ZNF430: variants seen among roughly 807,000 people sequenced by gnomAD.
The protein encoded by ZNF430 is zinc finger protein 430.
ZNF430 carries 35 observed loss-of-function variants against 56.7 expected under a neutral mutation model. That is an observed-to-expected ratio of 0.62 (90% CI 0.47 to 0.82). The LOEUF (loss-of-function observed/expected upper bound fraction) is 0.82, where lower values mean the gene tolerates loss of function less well. Among genes scored for constraint, ZNF430 ranks in the 40% least tolerant of loss-of-function variants. The probability of loss-of-function intolerance (pLI) is 0.00; values close to 1 mark genes in which losing one functional copy is unlikely to be tolerated. For missense variants in ZNF430, 574 were observed against 661.0 expected (o/e 0.87, Z 1.44); for synonymous variants, 212 against 224.3 (o/e 0.94, Z 0.49).
intron 2 of ZNF430, among the ~76,000 whole-genome samples, chr19:21,027,578 A>G (rs1967827427): frequency 6.6e-6 from 1 of 152,076 alleles, no homozygotes; most frequent in African/African-American, 2.4e-5. Context: ...ATGTTCATCA[A>G]GGATATTGGC....
chr19:21,039,010 C>T (rs960864624), intron 4 of ZNF430, among the ~76,000 whole-genome samples: 7 of 152,038 alleles, frequency 4.6e-5, no homozygotes, highest in Non-Finnish European at 5.9e-5. Flanking sequence ...AGTGCAATGG[C>T]ATGGTCTCGG....
chr19:21,057,961 C>T lies in ZNF430; in HGVS notation c.1653C>T (p.Asn551=). 1 of 1,611,844 alleles carries T rather than the reference C, an allele frequency of 6.2e-7. No individual in the cohort carries two copies. The highest frequency in any genetic ancestry group is 8.5e-7 in the Non-Finnish European group (1 of 1,179,218). ...YNCEEYGKAF[N]QSSNLIEQSN... Reference sequence around the variant, plus strand: ...GTGAAGAATACGGCAAAGCTTTCAACCAGTCCTCAAACCTTATTGAACAAA... The same window carrying T: ...GTGAAGAATACGGCAAAGCTTTCAATCAGTCCTCAAACCTTATTGAACAAA... The change falls in exon 5 of 5, where the codon AAC becomes AAT. Residue 551 remains asparagine, a synonymous_variant. Coordinates refer to ENST00000261560, the MANE Select transcript of ZNF430 (RefSeq NM_025189.4).
intron 2 of ZNF430, among the ~76,000 whole-genome samples, chr19:21,029,155 C>G (rs893416273): frequency 1.1e-4 from 16 of 152,130 alleles, no homozygotes; most frequent in Non-Finnish European, 1.9e-4. Context: ...ATGAAGCAGT[C>G]ATGATCCTTA....
chr19:21,049,102 T>C (rs1968235103), intron 4 of ZNF430, among the ~76,000 whole-genome samples: 1 of 130,982 alleles, frequency 7.6e-6, no homozygotes, highest in African/African-American at 2.9e-5. Context: ...TGAACCCAGA[T>C]GACAGAGGTT....
intron 1 of ZNF430, among the ~76,000 whole-genome samples, chr19:21,021,508 A>C (rs961394082): frequency 6.6e-6 from 1 of 152,092 alleles, no homozygotes; most frequent in Admixed American, 6.6e-5. Flanking sequence ...CGGAAAAAAA[A>C]AATGTACAGA....
At chr19:21,050,110 T>A (rs912284595) in intron 4 of ZNF430, among the ~76,000 whole-genome samples, 1 of 149,566 alleles carries the variant, frequency 6.7e-6, no homozygotes, top group Non-Finnish European at 1.5e-5. Context: ...GGTCTCGATC[T>A]CCTGACTGTG....
In ZNF430 at chr19:21,022,840, G is replaced by A. The variant is rs143182179; in HGVS notation, c.55G>A (p.Gly19Arg). ...TCTCAAGGAAGCAAGTGGATGCCCT[G>A]GGGCTGACAGGAATCTTCTGGTGTA... ...YPLKEASGCP[G>R]ADRNLLVYSF... is the part of the protein sequence containing the mutation. Residue 19 changes from glycine (G) to arginine (R), a missense_variant, in exon 2 of 5, where the codon GGG becomes AGG. Around this residue, in one of 3 missense-constraint regions of ZNF430, gnomAD observed 346 missense variants for 399.1 expected, o/e 0.87. Transcript: ENST00000261560. 530 of 1,613,950 alleles carry A rather than the reference G, an allele frequency of 3.3e-4. No individual in the cohort carries two copies. In the African/African-American group the frequency reaches 6.2e-3, roughly 19 times the overall value.
At chr19:21,030,620 T>C (rs1657602187) in intron 2 of ZNF430, among the ~76,000 whole-genome samples, 1 of 152,160 alleles carries the variant, frequency 6.6e-6, no homozygotes, top group African/African-American at 2.4e-5. Flanking sequence ...ACCAGAAGTA[T>C]TTGTGTTGTG....
At chr19:21,030,912 T>G (rs987513417) in intron 2 of ZNF430, among the ~76,000 whole-genome samples, 1 of 152,102 alleles carries the variant, frequency 6.6e-6, no homozygotes, top group Non-Finnish European at 1.5e-5. Context: ...AGACAGGATC[T>G]CACTCTGTCA....
chr19:21,049,848 A>G (rs959343023), intron 4 of ZNF430, among the ~76,000 whole-genome samples: 4 of 151,716 alleles, frequency 2.6e-5, no homozygotes, highest in Non-Finnish European at 2.9e-5. Flanking sequence ...AGAATTTTTT[A>G]TTACATCAAA....
At chr19:21,032,950 T>G (rs903428250) in intron 2 of ZNF430, among the ~76,000 whole-genome samples, 1 of 152,230 alleles carries the variant, frequency 6.6e-6, no homozygotes, top group African/African-American at 2.4e-5. Context: ...TTTATGCCCT[T>G]AATTTTATGC....
rs747809260 is a variant in ZNF430, at chr19:21,026,827, C to CTTTTTTTTTTTTTTTTTTTTTTTT, written c.96+3969_96+3970insTTTTTTTTTTTTTTTTTTTTTTTT. Among the ~76,000 whole-genome samples, 629 of 68,714 alleles carry CTTTTTTTTTTTTTTTTTTTTTTTT rather than the reference C, an allele frequency of 9.2e-3. 95 individuals are homozygous for CTTTTTTTTTTTTTTTTTTTTTTTT. The highest frequency in any genetic ancestry group is 0.065 in the Middle Eastern group (3 of 46). The allele number at this position is 68,714 out of a possible 152,430, so 45.1% of individuals were successfully genotyped here. A position where few individuals can be genotyped will look rare whatever the true frequency, so the allele number is the denominator to read the frequency against. On this transcript the variant is annotated intron_variant, in intron 2 of 4. Coordinates refer to ENST00000261560, the MANE Select transcript of ZNF430 (RefSeq NM_025189.4). ...TTGGATGCCTTTTTTCTTTTCTTTT[C>CTTTTTTTTTTTTTTTTTTTTTTTT]TTTTTTTTTTTTTTTTTTTTTTTGA...
chr19:21,037,143 A>G (rs1368299934), intron 4 of ZNF430, among the ~76,000 whole-genome samples: 2 of 144,652 alleles, frequency 1.4e-5, no homozygotes, highest in African/African-American at 5.2e-5. Flanking sequence ...TTTGAGACGG[A>G]GTCTCCTGTC....
rs2144798818 is a variant in ZNF430, at chr19:21,059,938, T to C, written c.*1917T>C. ...TGCATTAGGTAGGTGTTCAGAGTAA[T>C]ATTTTGCGTTGTGAGAACATTTTTA... is the stretch of plus-strand genomic sequence containing the variant. On this transcript the variant is annotated 3_prime_UTR_variant, in exon 5 of 5. Transcript: ENST00000261560. 6.6e-6 allele frequency: 1 copy of C among 152,260 alleles called. No individual in the cohort carries two copies. Among genetic ancestry groups the C allele is most frequent in the African/African-American group, 2.4e-5 (1 of 41,574 alleles). 9.4% of individuals were successfully genotyped at this position (152,260 alleles called of 1,614,324 possible). A position where few individuals can be genotyped will look rare whatever the true frequency, so the allele number is the denominator to read the frequency against.
intron 4 of ZNF430, among the ~76,000 whole-genome samples, chr19:21,053,123 G>A (rs1399491547): frequency 6.6e-6 from 1 of 152,068 alleles, no homozygotes; most frequent in Non-Finnish European, 1.5e-5. Flanking sequence ...CCTAGTGGCT[G>A]CACTTAGCTG....
In ZNF430 at chr19:21,056,651, C is replaced by T; in HGVS notation, c.343C>T (p.Gln115Ter). Residue 115 changes from glutamine to a stop codon, truncating the protein, a stop_gained, in exon 5 of 5, where the codon CAA becomes TAA. Coordinates refer to ENST00000261560, the MANE Select transcript of ZNF430 (RefSeq NM_025189.4). LOFTEE classifies it high-confidence loss of function. ...TTCAGTTACATATTCTCATTTTGCC[C>T]AAGACCTTTGGCCAGAGCAGGGCAT... ...QPPVTYSHFAQDLWPEQGIKD... is the reference protein window; with the variant it reads ...QPPVTYSHFA 1 of 1,522,320 alleles carries T rather than the reference C, an allele frequency of 6.6e-7. No homozygotes were observed. The highest frequency in any genetic ancestry group is 2.3e-5 in the East Asian group (1 of 43,908). 94.3% of individuals were successfully genotyped at this position (1,522,320 alleles called of 1,614,324 possible).
intron 2 of ZNF430, among the ~76,000 whole-genome samples, chr19:21,029,355 C>A (rs1967859702): frequency 6.6e-6 from 1 of 151,080 alleles, no homozygotes. Context: ...CTTTACTTTG[C>A]TAAGAATATA....
intron 4 of ZNF430, among the ~76,000 whole-genome samples, chr19:21,038,405 G>A (rs867174153): frequency 6.6e-6 from 1 of 151,972 alleles, no homozygotes; most frequent in African/African-American, 2.4e-5. Flanking sequence ...ATATTACACT[G>A]TTTTTGTTAC....
chr19:21,027,586 G>C (rs868170900), intron 2 of ZNF430, among the ~76,000 whole-genome samples: 6 of 151,928 alleles, frequency 3.9e-5, no homozygotes, highest in African/African-American at 9.6e-5. Context: ...CAAGGATATT[G>C]GCTTGAAGTT....
Sources: gnomAD v4.1 joint callset for allele counts (sites outside exome capture counted in the v4.1 genomes callset) on GRCh38, gnomAD v4.1.1 for gene constraint, gnomAD v4.1.1 regional missense constraint, MANE v1.5 for transcripts, NCBI Gene and HGNC (gene_info 2026-07-23, HGNC 2026-07-21) for gene names.